The following KIF13A variants were observed in gnomAD, a reference collection of about 807,000 sequenced individuals.
KIF13A encodes kinesin-like protein KIF13A.
KIF13A carries 79 observed loss-of-function variants against 212.2 expected under a neutral mutation model. The ratio of observed to expected loss-of-function variants is 0.37; its 90% CI spans 0.31 to 0.45. The LOEUF is 0.45. Ranked by LOEUF, KIF13A falls within the 20% of genes least tolerant of loss-of-function variation. The probability of loss-of-function intolerance (pLI) is 1.00; values close to 1 mark genes in which losing one functional copy is unlikely to be tolerated. For missense variants in KIF13A, 1,901 were observed against 2,209.0 expected, an observed-to-expected ratio of 0.86 and a Z score of 2.79; for synonymous variants, 789 against 808.6, an observed-to-expected ratio of 0.98 and a Z score of 0.41.
Position 17,933,821 on chromosome 6 carries a change from G to A in KIF13A, c.147-35641C>T, listed in dbSNP as rs186602911. ...GCATTAGAAATGCCTTTCTTCTAATGGGAAATTTCAACTAGTTCGACCTGC... is the reference window on the plus strand; with the variant it reads ...GCATTAGAAATGCCTTTCTTCTAATAGGAAATTTCAACTAGTTCGACCTGC... On this transcript the variant is annotated intron_variant, in intron 2 of 38. Transcript: ENST00000259711. Among the ~76,000 whole-genome samples, 4 of 152,238 alleles carry A rather than the reference G, an allele frequency of 2.6e-5. No homozygotes were observed. In the East Asian group the frequency reaches 7.7e-4, roughly 29 times the overall value.
chr6:17,911,416 A>C (rs1368561697), intron 2 of KIF13A, among the ~76,000 whole-genome samples: 1 of 152,258 alleles, frequency 6.6e-6, no homozygotes, highest in East Asian at 1.9e-4. Flanking sequence ...TCCTGATATC[A>C]GGTTCCTCTC....
rs1771712721 is a variant in KIF13A at position 17,888,035 on chromosome 6, T to C, written c.159+10133A>G. Among the ~76,000 whole-genome samples the C allele has an allele frequency of 6.6e-6, 1 of 152,028 alleles. No individual in the cohort carries two copies. Among genetic ancestry groups the C allele is most frequent in the African/African-American group, 2.4e-5 (1 of 41,406 alleles). ...CATCTTGATTCTTATCCTAAATTTC[T>C]GCACTTTGACACCCTATCCATACTT... On this transcript the variant is annotated intron_variant, in intron 3 of 38. Transcript: ENST00000259711. The surrounding 1 kb of genome is among the most constrained non-coding windows in gnomAD (Gnocchi z 4.8).
chr6:17,831,452 T>C (rs1765444821), intron 12 of KIF13A, among the ~76,000 whole-genome samples: 1 of 151,710 alleles, frequency 6.6e-6, no homozygotes, highest in East Asian at 1.9e-4. Flanking sequence ...ATTTTGGCTC[T>C]TAAGGAGCTT....
In KIF13A at chr6:17,834,074, T is replaced by C; in HGVS notation, c.1156-3A>G. 6.4e-7 allele frequency: 1 copy of C among 1,569,572 alleles called. No homozygotes were observed. The highest frequency in any genetic ancestry group is 8.6e-7 in the Non-Finnish European group (1 of 1,164,410). On this transcript the variant is annotated splice_region_variant and splice_polypyrimidine_tract_variant and intron_variant, in intron 11 of 38. Coordinates refer to ENST00000259711, the MANE Select transcript of KIF13A (RefSeq NM_022113.6). This position sits in a 1 kb window ranked among gnomAD's most constrained non-coding sequence, Gnocchi z 4.0. Reference sequence around the variant, plus strand: ...TTCAGTTCAGGGGCCTTCATGGCCTTTAAAATGAAATCAGAGATATCTGAT... The same window carrying C: ...TTCAGTTCAGGGGCCTTCATGGCCTCTAAAATGAAATCAGAGATATCTGAT...
In KIF13A at chr6:17,834,182, T is replaced by A. The variant is rs1294418363; in HGVS notation, c.1156-111A>T. On this transcript the variant is annotated intron_variant, in intron 11 of 38. Transcript: ENST00000259711. The surrounding 1 kb of genome is among the most constrained non-coding windows in gnomAD (Gnocchi z 4.0). ...GTTATCAATAGTCTGTTGGAAAAAA[T>A]TAAGTTATATGCTGTTAGGGTGGGT... 3.1e-6 allele frequency: 2 copies of A among 642,176 alleles called. No homozygotes were observed. Among genetic ancestry groups the A allele is most frequent in the Non-Finnish European group, 5.2e-6 (2 of 384,668 alleles). 39.8% of individuals were successfully genotyped at this position (642,176 alleles called of 1,614,324 possible). A position where few individuals can be genotyped will look rare whatever the true frequency, so the allele number is the denominator to read the frequency against.
chr6:17,956,368 G>A (rs1436703270), intron 2 of KIF13A, among the ~76,000 whole-genome samples: 1 of 152,154 alleles, frequency 6.6e-6, no homozygotes, highest in Non-Finnish European at 1.5e-5. Flanking sequence ...CTTTTTCAAA[G>A]ACCATCAACC....
Position 17,839,178 on chromosome 6 carries a change from T to C in KIF13A, c.831-1595A>G, listed in dbSNP as rs566370454. 6.6e-6 allele frequency among the ~76,000 whole-genome samples: 1 copy of C among 152,316 alleles called. No individual in the cohort carries two copies. Among genetic ancestry groups the C allele is most frequent in the South Asian group, 2.1e-4 (1 of 4,822 alleles). On this transcript the variant is annotated intron_variant, in intron 9 of 38. Transcript: ENST00000259711. This position sits in a 1 kb window ranked among gnomAD's most constrained non-coding sequence, Gnocchi z 4.3. ...TATGTTATTCAGGTGACGGATACCT[T>C]AAAAGCCCCGACTTGACCACTGCAC...
At chr6:17,887,658 C>T (rs1437733387) in intron 3 of KIF13A, among the ~76,000 whole-genome samples, 1 of 152,018 alleles carries the variant, frequency 6.6e-6, no homozygotes, top group African/African-American at 2.4e-5. Context: ...TTTCCTAATA[C>T]GTCAATTACT....
rs1774393202 is a variant in KIF13A at position 17,915,268 on chromosome 6, C to A, written c.147-17088G>T. ...AGCAGGGATGCAGAAGCCAGACTGC[C>A]CAGGTTCCATTCTTGCCTCCACCAC... On this transcript the variant is annotated intron_variant, in intron 2 of 38. Transcript: ENST00000259711. The surrounding 1 kb of genome is among the most constrained non-coding windows in gnomAD (Gnocchi z 4.4). Among the ~76,000 whole-genome samples, 1 of 152,056 alleles carries A rather than the reference C, an allele frequency of 6.6e-6. No homozygotes were observed.
At chr6:17,806,946 G>A (rs1476510435) in intron 18 of KIF13A, among the ~76,000 whole-genome samples, 1 of 152,208 alleles carries the variant, frequency 6.6e-6, no homozygotes, top group Non-Finnish European at 1.5e-5. Flanking sequence ...CGTAGCAGAG[G>A]AAGATGAATT....
At position 17,764,314 on chromosome 6, in the gene KIF13A, A is replaced by G. The variant is rs1218722925; in HGVS notation, c.5214T>C (p.Phe1738=). 2 of 1,613,952 alleles carry G rather than the reference A, an allele frequency of 1.2e-6. No individual in the cohort carries two copies. The highest frequency in any genetic ancestry group is 1.3e-5 in the African/African-American group (1 of 75,026). The part of the protein sequence containing the change: ...NILEDHSFTE[F]MGVSEGKDFD... ...AATCTTTTCCCTCTGACACTCCCAT[A>G]AATTCTGTGAAAGAATGGTCTTCAA... The change falls in exon 39 of 39, where the codon TTT becomes TTC. Residue 1738 remains phenylalanine (F), a synonymous_variant. Transcript: ENST00000259711. This position sits in a 1 kb window ranked among gnomAD's most constrained non-coding sequence, Gnocchi z 5.1.
rs1771559085 is a variant in KIF13A, at chr6:17,886,571, T to C, written c.159+11597A>G. ...TTTTCTTCCTGGGGCCTATACTCCA[T>C]GTGACCTGGTACTCCGTCAGTGGTA... is the stretch of plus-strand genomic sequence containing the variant. On this transcript the variant is annotated intron_variant, in intron 3 of 38. Transcript: ENST00000259711. The surrounding 1 kb of genome is among the most constrained non-coding windows in gnomAD (Gnocchi z 5.6). Among the ~76,000 whole-genome samples, 1 of 152,138 alleles carries C rather than the reference T, an allele frequency of 6.6e-6. No individual in the cohort carries two copies. Among genetic ancestry groups the C allele is most frequent in the African/African-American group, 2.4e-5 (1 of 41,434 alleles).
intron 2 of KIF13A, among the ~76,000 whole-genome samples, chr6:17,910,896 G>A (rs928176591): frequency 6.6e-6 from 1 of 152,114 alleles, no homozygotes; most frequent in South Asian, 2.1e-4. Context: ...CTGAGTAGCT[G>A]GGACTACAGG....
chr6:17,856,532 C>A lies in KIF13A; in HGVS notation c.221-410G>T, dbSNP rs1469364501. ...ATACACACCTTGGTATCTCCCTCAG[C>A]ACCTAGCTTGGTGTTTTGTACATGC... On this transcript the variant is annotated intron_variant, in intron 4 of 38. Coordinates refer to ENST00000259711, the MANE Select transcript of KIF13A (RefSeq NM_022113.6). The surrounding 1 kb of genome is among the most constrained non-coding windows in gnomAD (Gnocchi z 4.5). Among the ~76,000 whole-genome samples, 2 of 152,234 alleles carry A rather than the reference C, an allele frequency of 1.3e-5. No homozygotes were observed. The highest frequency in any genetic ancestry group is 2.9e-5 in the Non-Finnish European group (2 of 68,048).
At position 17,829,138 on chromosome 6, in the gene KIF13A, G is replaced by GT. The variant is rs1765216672; in HGVS notation, c.1402-769_1402-768insA. On this transcript the variant is annotated intron_variant, in intron 13 of 38. Transcript: ENST00000259711. The surrounding 1 kb of genome is among the most constrained non-coding windows in gnomAD (Gnocchi z 5.4). ...AATTTTTATTTTTAGTACAGATGGGGGTTTCACCATGTTCGCCAGCCTGGT... is the reference window on the plus strand; with the variant it reads ...AATTTTTATTTTTAGTACAGATGGGGTGTTTCACCATGTTCGCCAGCCTGGT... Among the ~76,000 whole-genome samples the GT allele has an allele frequency of 6.6e-6, 1 of 152,056 alleles. No individual in the cohort carries two copies. The highest frequency in any genetic ancestry group is 2.4e-5 in the African/African-American group (1 of 41,400).
At chr6:17,952,981 GAA>G (rs1275350263) in intron 2 of KIF13A, among the ~76,000 whole-genome samples, 2 of 151,700 alleles carry the variant, frequency 1.3e-5, no homozygotes, top group African/African-American at 4.8e-5. Flanking sequence ...AAGAGGAGAA[GAA>G]GAGAGGACCG....
intron 4 of KIF13A, among the ~76,000 whole-genome samples, chr6:17,868,414 T>C: frequency 6.6e-6 from 1 of 152,232 alleles, no homozygotes; most frequent in Non-Finnish European, 1.5e-5. Flanking sequence ...AGTTTATCAG[T>C]ATTGACTATA....
chr6:17,794,792 A>T lies in KIF13A; in HGVS notation c.2943-88T>A. On this transcript the variant is annotated intron_variant, in intron 23 of 38. Transcript: ENST00000259711. The surrounding 1 kb of genome is among the most constrained non-coding windows in gnomAD (Gnocchi z 4.1). ...ATAAGCCACCATTCACTGAGCACTT[A>T]CTATGTGCTAGGCACTGTGCCATTT... 1 of 1,382,904 alleles carries T rather than the reference A, an allele frequency of 7.2e-7. No individual in the cohort carries two copies. Among genetic ancestry groups the T allele is most frequent in the Non-Finnish European group, 9.9e-7 (1 of 1,014,992 alleles). 85.7% of individuals were successfully genotyped at this position (1,382,904 alleles called of 1,614,324 possible).
At chr6:17,953,466 T>TGGAAATTACATGTAA (rs1778056043) in intron 2 of KIF13A, 1 of 152,180 alleles carries the variant, frequency 6.6e-6, no homozygotes, top group Non-Finnish European at 1.5e-5. Flanking sequence ...TGTCATGTAA[T>TGGAAATTACATGTAA]GGAAATTACA....
Sources: gnomAD v4.1 joint callset for allele counts (sites outside exome capture counted in the v4.1 genomes callset) on GRCh38, gnomAD v4.1.1 for gene constraint, Gnocchi (gnomAD v3.1) non-coding constraint, MANE v1.5 for transcripts, NCBI Gene and HGNC (gene_info 2026-07-23, HGNC 2026-07-21) for gene names.